KAT6B: variants seen among roughly 807,000 people sequenced by gnomAD.
The protein encoded by KAT6B is lysine acetyltransferase 6B, also known as histone acetyltransferase KAT6B.
KAT6B carries 10 observed loss-of-function variants against 187.5 expected under a neutral mutation model. The observed-to-expected ratio is 0.05, with a 90% CI of 0.03 to 0.09. KAT6B has a LOEUF of 0.09. Among genes scored for constraint, KAT6B ranks in the 10% least tolerant of loss-of-function variants. KAT6B has a pLI of 1.00. For synonymous variants in KAT6B, 861 were observed against 926.8 expected (o/e 0.93, Z 1.29); for missense variants, 1,952 against 2,558.9 (o/e 0.76, Z 5.12).
chr10:74,896,061 T>C (rs1297323510), intron 3 of KAT6B, among the ~76,000 whole-genome samples: 2 of 152,090 alleles, frequency 1.3e-5, no homozygotes, highest in African/African-American at 2.4e-5. Flanking sequence ...TCAGCCCAGA[T>C]GTGAAAATGT....
chr10:74,995,054 C>T (rs537761704), intron 13 of KAT6B, among the ~76,000 whole-genome samples: 9 of 152,298 alleles, frequency 5.9e-5, no homozygotes, highest in African/African-American at 2.2e-4. Context: ...TTCCCTCTTC[C>T]CATGTAATTC....
intron 17 of KAT6B, chr10:75,025,583 CATTT>C (rs974565712): frequency 7.0e-6 from 2 of 285,538 alleles, no homozygotes; most frequent in African/African-American, 4.4e-5. Flanking sequence ...TTTTTTTTCA[CATTT>C]AGTTATTTCT....
chr10:74,959,178 A>C (rs1239286649), intron 3 of KAT6B, among the ~76,000 whole-genome samples: 1 of 152,148 alleles, frequency 6.6e-6, no homozygotes, highest in South Asian at 2.1e-4. Context: ...GACCTTTTCA[A>C]GTGTCCCACA....
chr10:74,836,913 A>G (rs1841350568), intron 1 of KAT6B, among the ~76,000 whole-genome samples: 1 of 152,262 alleles, frequency 6.6e-6, no homozygotes, highest in Non-Finnish European at 1.5e-5. Context: ...TAAAATAGTT[A>G]AAAATAACTG....
chr10:74,840,132 G>A (rs926859718), intron 2 of KAT6B, among the ~76,000 whole-genome samples: 3 of 152,226 alleles, frequency 2.0e-5, no homozygotes, highest in African/African-American at 7.2e-5. Context: ...TAGTTGGACT[G>A]CATGCTCACC....
At chr10:74,983,090 A>G (rs796572616) in intron 11 of KAT6B, 13 of 152,300 alleles carry the variant, frequency 8.5e-5, no homozygotes, top group African/African-American at 2.9e-4. Flanking sequence ...TTTTTCTATC[A>G]GCTCTTTCGG....
chr10:74,847,810 A>G (rs1052787589), intron 3 of KAT6B, among the ~76,000 whole-genome samples: 1 of 152,168 alleles, frequency 6.6e-6, no homozygotes, highest in African/African-American at 2.4e-5. Context: ...AGAAATTCTT[A>G]GCCCGGGATC....
At chr10:74,953,155 C>G (rs1840439387) in intron 3 of KAT6B, among the ~76,000 whole-genome samples, 1 of 151,696 alleles carries the variant, frequency 6.6e-6, no homozygotes. Flanking sequence ...GAGGCATTTT[C>G]TACTCTGTTC....
Position 74,843,207 on chromosome 10 carries a change from G to T in KAT6B, c.350G>T (p.Gly117Val), listed in dbSNP as rs1016693351. The T allele has an allele frequency of 5.0e-6, 8 of 1,614,222 alleles. No homozygotes were observed. The highest frequency in any genetic ancestry group is 6.8e-6 in the Non-Finnish European group (8 of 1,180,030). ...AAACTTTTAAGGAGAGCAATTGAAG[G>T]ACTTGAGGAGCCGAATGGCTCCTCC... Reference protein sequence around the residue: ...WNKLLRRAIEGLEEPNGSSLK... With the variant: ...WNKLLRRAIEVLEEPNGSSLK... The change falls in exon 3 of 18, where the codon GGA becomes GTA. Residue 117 changes from glycine (G) to valine (V), a missense_variant. Physicochemically the swap from Gly to Val is moderately radical, Grantham distance 109 (BLOSUM62 -3). This residue lies in a region of KAT6B where 218 missense variants were observed against 282.6 expected (regional missense o/e 0.77). Transcript: ENST00000287239.
intron 3 of KAT6B, among the ~76,000 whole-genome samples, chr10:74,894,168 G>A (rs59300805): frequency 6.6e-6 from 1 of 151,378 alleles, no homozygotes; most frequent in South Asian, 2.1e-4. Context: ...CTGCAACTTC[G>A]CTTGCCGGGT....
intron 16 of KAT6B, among the ~76,000 whole-genome samples, chr10:75,024,485 A>G (rs1056423174): frequency 6.6e-6 from 1 of 152,206 alleles, no homozygotes; most frequent in African/African-American, 2.4e-5. Context: ...CTGGTCTTGT[A>G]TCATATTTCC....
chr10:74,882,141 A>C (rs1207560579), intron 3 of KAT6B, among the ~76,000 whole-genome samples: 2 of 152,210 alleles, frequency 1.3e-5, no homozygotes, highest in Non-Finnish European at 2.9e-5. Flanking sequence ...ACTTCACTTA[A>C]GAGCTGAAAG....
rs533938586 is a variant in KAT6B at position 74,834,354 on chromosome 10, C to T, written c.-328-4329C>T. On this transcript the variant is annotated intron_variant, in intron 1 of 17. Coordinates refer to ENST00000287239, the MANE Select transcript of KAT6B (RefSeq NM_012330.4). ...CTGGGACCACAGGCATGCACCACCACGCCTGGCTAATTTTTTGTATTTTAG... is the reference window on the plus strand; with the variant it reads ...CTGGGACCACAGGCATGCACCACCATGCCTGGCTAATTTTTTGTATTTTAG... Among the ~76,000 whole-genome samples, 18 of 151,958 alleles carry T rather than the reference C, an allele frequency of 1.2e-4. No individual in the cohort carries two copies. The South Asian group carries it at 1.5e-3, about 12-fold the overall frequency.
At chr10:74,849,485 G>A (rs1842330632) in intron 3 of KAT6B, among the ~76,000 whole-genome samples, 1 of 147,472 alleles carries the variant, frequency 6.8e-6, no homozygotes, top group South Asian at 2.2e-4. Flanking sequence ...TAGAGACAGG[G>A]TTTCACCATG....
At chr10:74,960,560 A>C (rs962727782) in intron 4 of KAT6B, among the ~76,000 whole-genome samples, 1 of 151,920 alleles carries the variant, frequency 6.6e-6, no homozygotes, top group Admixed American at 6.6e-5. Flanking sequence ...TCTCTAAAAA[A>C]AAAAAACAAA....
At chr10:74,909,248 G>A (rs1397497040) in intron 3 of KAT6B, among the ~76,000 whole-genome samples, 1 of 152,222 alleles carries the variant, frequency 6.6e-6, no homozygotes, top group Non-Finnish European at 1.5e-5. Flanking sequence ...GCATTTGCCT[G>A]TAATCCCAGC....
intron 3 of KAT6B, among the ~76,000 whole-genome samples, chr10:74,894,856 T>C (rs1190784315): frequency 6.6e-6 from 1 of 152,150 alleles, no homozygotes; most frequent in African/African-American, 2.4e-5. Context: ...TCGGCTCCTG[T>C]GAACACTACT....
intron 7 of KAT6B, among the ~76,000 whole-genome samples, chr10:74,974,329 T>A (rs1386943904): frequency 6.6e-6 from 1 of 152,244 alleles, no homozygotes; most frequent in Non-Finnish European, 1.5e-5. Context: ...AAATATACTC[T>A]TGTATTTGTA....
At chr10:74,897,801 C>T (rs547995275) in intron 3 of KAT6B, among the ~76,000 whole-genome samples, 8 of 152,306 alleles carry the variant, frequency 5.3e-5, no homozygotes, top group African/African-American at 1.7e-4. Context: ...TAACTGCTTA[C>T]GCTCAGTAAA....
Sources: allele counts gnomAD v4.1 joint callset (sites outside exome capture counted in the v4.1 genomes callset), GRCh38; gene constraint gnomAD v4.1.1; regional missense constraint gnomAD v4.1.1; transcripts MANE v1.5; gene names NCBI Gene and HGNC (gene_info 2026-07-23, HGNC 2026-07-21).